Variants in NTRK1 observed in about 807,000 individuals in gnomAD.
NTRK1 encodes neurotrophic receptor tyrosine kinase 1.
NTRK1 carries 62 observed loss-of-function variants against 86.8 expected under a neutral mutation model. The observed-to-expected ratio is 0.71, with a 90% CI of 0.58 to 0.88. NTRK1 has a LOEUF of 0.88. Among genes scored for constraint, NTRK1 ranks in the 40% least tolerant of loss-of-function variants. The pLI, the probability that NTRK1 is intolerant of heterozygous loss-of-function variation, is 0.00. For synonymous variants in NTRK1, 469 were observed against 456.6 expected (o/e 1.03, Z -0.35); for missense variants, 967 against 1,078.4 (o/e 0.90, Z 1.45).
At chr1:156,876,616 G>A (rs1001781600) in intron 14 of NTRK1, 44 bp downstream of exon 14, 3 of 1,581,284 alleles carry the variant, frequency 1.9e-6, no homozygotes, top group Non-Finnish European at 2.6e-6. Flanking sequence ...CCCTGGCTCT[G>A]GGCCCCGTCT....
rs767929222 is a variant in NTRK1, at chr1:156,871,712, C to T, written c.807C>T (p.Asn269=). The change falls in exon 7 of 17, where the codon AAC becomes AAT. Residue 269 remains asparagine (N), a synonymous_variant. Coordinates refer to ENST00000524377, the MANE Select transcript of NTRK1 (RefSeq NM_002529.4). The part of the protein sequence containing the change: ...NRKNVTCWAE[N]DVGRAEVSVQ... Reference sequence around the variant, plus strand: ...AGAACGTGACGTGCTGGGCAGAGAACGATGTGGGCCGGGCAGAGGTCTCTG... The same window carrying T: ...AGAACGTGACGTGCTGGGCAGAGAATGATGTGGGCCGGGCAGAGGTCTCTG... 8 of 1,614,058 alleles carry T rather than the reference C, an allele frequency of 5.0e-6. No homozygotes were observed. The highest frequency in any genetic ancestry group is 3.3e-5 in the Admixed American group (2 of 60,008).
chr1:156,875,073 T>G, intron 11 of NTRK1, 65 bp downstream of exon 11: 1 of 1,185,980 alleles, frequency 8.4e-7, no homozygotes, highest in Non-Finnish European at 1.3e-6. Context: ...CTACTGGCTC[T>G]TCCTGACTCT....
At chr1:156,842,203 G>A (rs749311435) in intron 2 of NTRK1, 1 of 1,614,072 alleles carries the variant, frequency 6.2e-7, no homozygotes, top group Non-Finnish European at 8.5e-7. Flanking sequence ...GGTAGGCCAT[G>A]CCGTCTGCAA....
intron 1 of NTRK1, chr1:156,816,919 G>A (rs1654002950): frequency 2.3e-6 from 1 of 429,316 alleles, no homozygotes; most frequent in Admixed American, 4.4e-5. Flanking sequence ...GCTGTAGATA[G>A]CGGTGGTATA....
intron 2 of NTRK1, chr1:156,846,859 T>A: frequency 3.1e-6 from 3 of 957,262 alleles, no homozygotes; most frequent in East Asian, 2.5e-5. Context: ...CCTTCCAGTA[T>A]GCATGAGGGC....
At chr1:156,865,969 A>T (rs1033269853) in intron 3 of NTRK1, among the ~76,000 whole-genome samples, 2 of 152,248 alleles carry the variant, frequency 1.3e-5, no homozygotes, top group South Asian at 4.1e-4. Context: ...ACTTCACGAT[A>T]CTTATGTCAA....
At chr1:156,857,907 CTA>C (rs1655466195), upstream of NTRK1, among the ~76,000 whole-genome samples, 1 of 152,286 alleles carries the variant, frequency 6.6e-6, no homozygotes, top group African/African-American at 2.4e-5. Flanking sequence ...GTCATTTAGT[CTA>C]TATAGTCCCC....
upstream of NTRK1, chr1:156,858,962 C>T: frequency 7.0e-6 from 2 of 285,018 alleles, no homozygotes; most frequent in East Asian, 1.4e-4. Flanking sequence ...GAGAGGCCAG[C>T]CAACCCTGAG....
intron 2 of NTRK1, chr1:156,846,043 G>A: frequency 2.5e-6 from 4 of 1,613,632 alleles, no homozygotes; most frequent in Non-Finnish European, 3.4e-6. Context: ...CATTGCGCTG[G>A]GTCGGTGGCT....
chr1:156,867,251 A>G lies in NTRK1; in HGVS notation c.428+273A>G, dbSNP rs187765199. The stretch of plus-strand genomic sequence containing the variant: ...CAGGCCCACTGTGTGTCCAAGGCAC[A>G]TCTGCCCACATTCCCAGGGCACCCT... On this transcript the variant is annotated intron_variant, in intron 4 of 16. Transcript: ENST00000524377. 1.6e-4 allele frequency among the ~76,000 whole-genome samples: 25 copies of G among 152,358 alleles called. No individual in the cohort carries two copies. The East Asian group carries it at 4.6e-3, about 28-fold the overall frequency.
intron 2 of NTRK1, chr1:156,846,482 G>T: frequency 6.6e-7 from 1 of 1,508,642 alleles, no homozygotes; most frequent in Non-Finnish European, 9.2e-7. Context: ...CATGGATGCA[G>T]GCGTCTGACT....
rs2102878814 is a variant in NTRK1, at chr1:156,860,932, G to C, written c.-3G>C. The stretch of plus-strand genomic sequence containing the variant: ...CCGCCTGAGCGAGGCGGGCGCCGCC[G>C]CGATGCTGCGAGGCGGACGGCGCGG... On this transcript the variant is annotated 5_prime_UTR_variant, in exon 1 of 17. Coordinates refer to ENST00000524377, the MANE Select transcript of NTRK1 (RefSeq NM_002529.4). The C allele has an allele frequency of 6.9e-7, 1 of 1,458,958 alleles. No homozygotes were observed. Among genetic ancestry groups the C allele is most frequent in the Non-Finnish European group, 9.0e-7 (1 of 1,116,178 alleles). 90.4% of individuals were successfully genotyped at this position (1,458,958 alleles called of 1,614,324 possible).
At chr1:156,845,528 G>GCC in intron 2 of NTRK1, 1 of 1,444,276 alleles carries the variant, frequency 6.9e-7, no homozygotes, top group Non-Finnish European at 9.2e-7. Context: ...CACAAGCAAG[G>GCC]CCCCACCCAC....
upstream of NTRK1, chr1:156,858,843 G>GACTC: frequency 1.7e-6 from 1 of 580,866 alleles, no homozygotes; most frequent in South Asian, 2.0e-5. Context: ...GAGACAGAGA[G>GACTC]ACTCAGCATG....
At chr1:156,846,347 C>T (rs548457882) in intron 2 of NTRK1, among the ~76,000 whole-genome samples, 25 of 152,292 alleles carry the variant, frequency 1.6e-4, no homozygotes, top group African/African-American at 5.1e-4. Context: ...ATCCCAGCCC[C>T]GCAAGGACCT....
intron 6 of NTRK1, 137 bp downstream of exon 6, chr1:156,868,784 G>C: frequency 1.5e-6 from 2 of 1,362,574 alleles, no homozygotes; most frequent in South Asian, 1.3e-5. Context: ...GGACAGAGAT[G>C]GTTTAGACCC....
Position 156,876,487 on chromosome 1 carries a change from C to A in NTRK1, c.1720C>A (p.Arg574Ser), listed in dbSNP as rs368806213. 6.2e-7 allele frequency: 1 copy of A among 1,613,784 alleles called. No homozygotes were observed. The highest frequency in any genetic ancestry group is 1.7e-5 in the Admixed American group (1 of 60,024). The change falls in exon 14 of 17, where the codon CGC becomes AGC. Residue 574 changes from arginine to serine, a missense_variant. Physicochemically the swap from Arg to Ser is moderately radical, Grantham distance 110. This residue lies in a region of NTRK1 where 637 missense variants were observed against 776.5 expected (regional missense o/e 0.82). Transcript: ENST00000524377. ...LTMLQHQHIV[R>S]FFGVCTEGRP... ...CATGCTGCAGCACCAGCACATCGTGCGCTTCTTCGGCGTCTGCACCGAGGG... is the reference window on the plus strand; with the variant it reads ...CATGCTGCAGCACCAGCACATCGTGAGCTTCTTCGGCGTCTGCACCGAGGG...
At chr1:156,875,800 A>T in intron 12 of NTRK1, 134 bp downstream of exon 12, 2 of 1,303,476 alleles carry the variant, frequency 1.5e-6, no homozygotes, top group Middle Eastern at 2.1e-4. Context: ...TATTCCAGCC[A>T]TAGGCCCTGT....
intron 1 of NTRK1, among the ~76,000 whole-genome samples, chr1:156,819,200 G>T (rs1412472760): frequency 1.3e-5 from 2 of 152,104 alleles, no homozygotes; most frequent in South Asian, 4.1e-4. Flanking sequence ...AAATAATGGG[G>T]TTTCACCATG....
Sources: gnomAD v4.1 joint callset for allele counts (sites outside exome capture counted in the v4.1 genomes callset) on GRCh38, gnomAD v4.1.1 for gene constraint, gnomAD v4.1.1 regional missense constraint, MANE v1.5 for transcripts, NCBI Gene and HGNC (gene_info 2026-07-23, HGNC 2026-07-21) for gene names.